Variants in FAM171A1 observed in about 807,000 individuals in gnomAD.
FAM171A1 encodes family with sequence similarity 171 member A1, also known as protein FAM171A1.
Under a neutral mutation model 74.9 loss-of-function variants are expected in FAM171A1, and 23 were observed. That is an observed-to-expected ratio of 0.31 (90% confidence interval 0.22 to 0.44). The LOEUF (loss-of-function observed/expected upper bound fraction) is 0.44, where lower values mean the gene tolerates loss of function less well. FAM171A1 is among the 20% of genes least tolerant of loss of function. The pLI is 1.00. For missense variants in FAM171A1, 1,162 were observed against 1,159.2 expected (o/e 1.00, Z -0.03); for synonymous variants, 527 against 505.7 (o/e 1.04, Z -0.57).
chr10:15,345,447 C>T (rs886622675), intron 1 of FAM171A1, among the ~76,000 whole-genome samples: 2 of 152,156 alleles, frequency 1.3e-5, no homozygotes, highest in African/African-American at 4.8e-5. Flanking sequence ...GGGGACAACA[C>T]CTGATGCTTT....
At chr10:15,234,788 G>A (rs1834261105) in intron 5 of FAM171A1, among the ~76,000 whole-genome samples, 1 of 151,908 alleles carries the variant, frequency 6.6e-6, no homozygotes, top group Non-Finnish European at 1.5e-5. Flanking sequence ...GAGTAGCTGG[G>A]ACTACAGGCA....
chr10:15,252,824 A>C (rs1834526636), intron 4 of FAM171A1, among the ~76,000 whole-genome samples: 1 of 152,178 alleles, frequency 6.6e-6, no homozygotes, highest in African/African-American at 2.4e-5. Context: ...TCTGTGTCTT[A>C]GTGTTCGTTT....
chr10:15,267,287 A>G (rs1250623438), intron 3 of FAM171A1, among the ~76,000 whole-genome samples: 1 of 152,198 alleles, frequency 6.6e-6, no homozygotes, highest in Non-Finnish European at 1.5e-5. Context: ...CGCTGCAGCC[A>G]TATTCCACTC....
intron 1 of FAM171A1, among the ~76,000 whole-genome samples, chr10:15,320,559 T>A (rs1332773572): frequency 6.6e-6 from 1 of 152,216 alleles, no homozygotes; most frequent in African/African-American, 2.4e-5. Context: ...TTTCCAATAG[T>A]GGCTGAACTA....
intron 1 of FAM171A1, among the ~76,000 whole-genome samples, chr10:15,362,083 A>T (rs1836001515): frequency 6.6e-6 from 1 of 152,222 alleles, no homozygotes; most frequent in Admixed American, 6.5e-5. Flanking sequence ...GTCCTTATAT[A>T]TTTCATATAA....
chr10:15,216,594 C>T (rs1833970064), intron 6 of FAM171A1, among the ~76,000 whole-genome samples: 1 of 152,100 alleles, frequency 6.6e-6, no homozygotes, highest in Non-Finnish European at 1.5e-5. Context: ...CCACACCTGG[C>T]TAATTTTTAT....
intron 1 of FAM171A1, among the ~76,000 whole-genome samples, chr10:15,312,769 C>T (rs1006943844): frequency 7.5e-6 from 1 of 133,554 alleles, no homozygotes; most frequent in Non-Finnish European, 1.5e-5. Context: ...GCAATCTCGG[C>T]TCACTGCAAA....
intron 1 of FAM171A1, among the ~76,000 whole-genome samples, chr10:15,292,450 T>G (rs1344835663): frequency 3.9e-5 from 6 of 152,130 alleles, no homozygotes; most frequent in Non-Finnish European, 8.8e-5. Context: ...ATTCCAGATA[T>G]CATATTAGGT....
At chr10:15,235,872 T>G (rs1362126393) in intron 5 of FAM171A1, among the ~76,000 whole-genome samples, 4 of 152,156 alleles carry the variant, frequency 2.6e-5, no homozygotes, top group Admixed American at 6.6e-5. Context: ...CTTGGATACC[T>G]GGAACCTTCA....
At chr10:15,319,207 G>A (rs1835458028) in intron 1 of FAM171A1, among the ~76,000 whole-genome samples, 1 of 152,172 alleles carries the variant, frequency 6.6e-6, no homozygotes, top group Non-Finnish European at 1.5e-5. Flanking sequence ...CTCATGGGAT[G>A]TCTACCTCTT....
At chr10:15,267,708 G>C (rs527730642) in intron 3 of FAM171A1, among the ~76,000 whole-genome samples, 1 of 151,834 alleles carries the variant, frequency 6.6e-6, no homozygotes, top group Non-Finnish European at 1.5e-5. Flanking sequence ...TCAGGTGCTG[G>C]GTCCTGGAGG....
chr10:15,317,156 G>C (rs995847605), intron 1 of FAM171A1, among the ~76,000 whole-genome samples: 1 of 152,110 alleles, frequency 6.6e-6, no homozygotes, highest in Non-Finnish European at 1.5e-5. Context: ...AAAGAAAAGA[G>C]ATGCAGAAAG....
chr10:15,329,089 G>T (rs576422751), intron 1 of FAM171A1, among the ~76,000 whole-genome samples: 5 of 152,296 alleles, frequency 3.3e-5, no homozygotes, highest in South Asian at 2.1e-4. Context: ...GACGCCCTCA[G>T]ATGTGGTGAT....
At chr10:15,236,038 C>G (rs1324495737) in intron 5 of FAM171A1, among the ~76,000 whole-genome samples, 2 of 152,166 alleles carry the variant, frequency 1.3e-5, no homozygotes, top group African/African-American at 4.8e-5. Flanking sequence ...CTTTGGACAT[C>G]AGAGACTTAC....
intron 4 of FAM171A1, among the ~76,000 whole-genome samples, chr10:15,250,471 A>G (rs893757714): frequency 6.6e-6 from 1 of 152,236 alleles, no homozygotes; most frequent in Non-Finnish European, 1.5e-5. Context: ...TTACAACTAC[A>G]GAAAAGCTGG....
chr10:15,241,162 C>A (rs1056988417), intron 5 of FAM171A1: 17 of 152,084 alleles, frequency 1.1e-4, no homozygotes, highest in African/African-American at 4.1e-4. Context: ...GAGGTCTGGC[C>A]CTACAATGAA....
chr10:15,357,559 G>A (rs934864066), intron 1 of FAM171A1, among the ~76,000 whole-genome samples: 1 of 152,134 alleles, frequency 6.6e-6, no homozygotes, highest in Non-Finnish European at 1.5e-5. Flanking sequence ...ACATGTGTAT[G>A]CCTAGGTTAG....
At chr10:15,353,730 G>T (rs1049949322) in intron 1 of FAM171A1, among the ~76,000 whole-genome samples, 1 of 152,146 alleles carries the variant, frequency 6.6e-6, no homozygotes, top group South Asian at 2.1e-4. Context: ...CAGGGGAAGA[G>T]TACCAGGTGC....
chr10:15,257,037 T>C (rs1657622964), intron 3 of FAM171A1, among the ~76,000 whole-genome samples: 1 of 152,208 alleles, frequency 6.6e-6, no homozygotes, highest in Non-Finnish European at 1.5e-5. Flanking sequence ...TAGTATTCAA[T>C]GAACAAGCCC....
Sources: allele counts gnomAD v4.1 joint callset (sites outside exome capture counted in the v4.1 genomes callset), GRCh38; gene constraint gnomAD v4.1.1; transcripts MANE v1.5; gene names NCBI Gene and HGNC (gene_info 2026-07-23, HGNC 2026-07-21).